The following LUC7L2 variants were observed in gnomAD, a reference collection of about 807,000 sequenced individuals.
LUC7L2 encodes the protein putative RNA-binding protein Luc7-like 2.
A neutral mutation model predicts 52.8 loss-of-function variants in LUC7L2; 25 were observed. That is an observed-to-expected ratio of 0.47 (90% CI 0.34 to 0.66). LUC7L2 has a LOEUF of 0.66. LUC7L2 is among the 30% of genes least tolerant of loss of function. LUC7L2 has a pLI of 0.01. For synonymous variants in LUC7L2, 144 were observed against 160.9 expected (o/e 0.89, Z 0.80); for missense variants, 328 against 497.8 (o/e 0.66, Z 3.25).
At chr7:139,351,526 T>C (rs1054702650) in intron 1 of LUC7L2, among the ~76,000 whole-genome samples, 2 of 152,364 alleles carry the variant, frequency 1.3e-5, no homozygotes, top group African/African-American at 2.4e-5. Context: ...AATTATGCTC[T>C]CTTCAAGTCC....
intron 1 of LUC7L2, chr7:139,345,877 A>T: frequency 1.4e-6 from 1 of 702,604 alleles, no homozygotes; most frequent in Non-Finnish European, 2.2e-6. Context: ...AATTTACTGA[A>T]CTTTTTGCAC....
intron 2 of LUC7L2, among the ~76,000 whole-genome samples, chr7:139,391,909 TGTA>T (rs1794466670): frequency 6.6e-6 from 1 of 152,256 alleles, no homozygotes; most frequent in South Asian, 2.1e-4. Context: ...TTTTTCCAAT[TGTA>T]GTAATAATCA....
chr7:139,405,074 C>G (rs1312203509), intron 4 of LUC7L2, among the ~76,000 whole-genome samples: 1 of 152,144 alleles, frequency 6.6e-6, no homozygotes, highest in Non-Finnish European at 1.5e-5. Context: ...AAAAAAGATA[C>G]AAAGGTGACA....
intron 1 of LUC7L2, chr7:139,363,241 A>T (rs1044567646): frequency 1.2e-5 from 12 of 985,302 alleles, no homozygotes; most frequent in Non-Finnish European, 1.3e-5. Flanking sequence ...ATACTGCATA[A>T]ATGGAAGCAG....
At position 139,350,888 on chromosome 7, in the gene LUC7L2, C is replaced by A. The variant is rs192690782; in HGVS notation, c.-26+10371C>A. On this transcript the variant is annotated intron_variant, in intron 1 of 10. Coordinates refer to the LUC7L2 transcript ENST00000541170. ...ATGGGGTTTCACCATGTTGGCCAGG[C>A]TGGTCTCCGACTACTGACCTCGTGA... Among the ~76,000 whole-genome samples the A allele has an allele frequency of 1.4e-3, 213 of 152,120 alleles. 1 individual carries two copies. Among genetic ancestry groups the A allele is most frequent in the African/African-American group, 4.6e-3 (189 of 41,518 alleles).
chr7:139,344,700 T>A (rs28670849), intron 1 of LUC7L2, among the ~76,000 whole-genome samples: 1 of 142,382 alleles, frequency 7.0e-6, no homozygotes, highest in Non-Finnish European at 1.5e-5. Context: ...TCTTTCTTTT[T>A]TTTTTTTTTT....
chr7:139,417,076 G>T (rs1795654983), intron 8 of LUC7L2: 1 of 153,342 alleles, frequency 6.5e-6, no homozygotes, highest in Admixed American at 6.5e-5. Context: ...TCACTCTTTT[G>T]CCCAGGCTGG....
rs1585051414 is a variant in LUC7L2 at position 139,340,745 on chromosome 7, A to G, written c.-26+228A>G. The G allele has an allele frequency of 8.0e-6, 3 of 373,584 alleles. No individual in the cohort carries two copies. In the Admixed American group the frequency reaches 1.4e-4, roughly 17 times the overall value. 23.1% of individuals were successfully genotyped at this position (373,584 alleles called of 1,614,324 possible). A position where few individuals can be genotyped will look rare whatever the true frequency, so the allele number is the denominator to read the frequency against. The stretch of plus-strand genomic sequence containing the variant: ...AAGGCATTGGCCTCCTAAGCCAGGG[A>G]TTGTGGGTTCGAGTCCCATCTGGGG... On this transcript the variant is annotated intron_variant, in intron 1 of 10. Transcript: ENST00000541170.
chr7:139,375,765 G>A (rs376526115), intron 1 of LUC7L2: 6 of 346,462 alleles, frequency 1.7e-5, no homozygotes, highest in Admixed American at 1.1e-4. Flanking sequence ...AGTTGGACTC[G>A]ATAATCTTTA....
intron 1 of LUC7L2, chr7:139,345,784 TTTTAAG>T: frequency 7.0e-7 from 1 of 1,420,422 alleles, no homozygotes; most frequent in Non-Finnish European, 9.3e-7. Context: ...ATTAAATTTT[TTTTAAG>T]TTTAAGGTTT....
intron 1 of LUC7L2, among the ~76,000 whole-genome samples, chr7:139,344,115 A>G (rs1016259898): frequency 4.6e-5 from 7 of 152,066 alleles, no homozygotes; most frequent in African/African-American, 1.7e-4. Flanking sequence ...GTGAATCTCA[A>G]AAGTTAAGTA....
At chr7:139,419,112 AAAACAAAAAAAAAC>A (rs1175668286) in intron 9 of LUC7L2, among the ~76,000 whole-genome samples, 2 of 133,572 alleles carry the variant, frequency 1.5e-5, no homozygotes, top group East Asian at 2.0e-4. Flanking sequence ...TCCAGCTCTC[AAAACAAAAAAAAAC>A]AAACAAAAAA....
At chr7:139,354,356 G>A (rs1015653466) in intron 1 of LUC7L2, among the ~76,000 whole-genome samples, 3 of 152,046 alleles carry the variant, frequency 2.0e-5, no homozygotes, top group African/African-American at 7.2e-5. Flanking sequence ...TGGCATGATG[G>A]CATTTGTCAA....
chr7:139,394,942 C>T (rs1005473180), intron 2 of LUC7L2, among the ~76,000 whole-genome samples: 1 of 152,128 alleles, frequency 6.6e-6, no homozygotes, highest in African/African-American at 2.4e-5. Context: ...ACCTGGGGGG[C>T]TTTTACAATT....
chr7:139,397,973 G>T (rs1198642182), intron 2 of LUC7L2, among the ~76,000 whole-genome samples: 1 of 152,132 alleles, frequency 6.6e-6, no homozygotes, highest in African/African-American at 2.4e-5. Flanking sequence ...CCCCAGACAA[G>T]ACTATATCAA....
At chr7:139,398,417 G>T (rs563500572) in intron 2 of LUC7L2, among the ~76,000 whole-genome samples, 182 bp from the exon 3 acceptor site, 2 of 152,082 alleles carry the variant, frequency 1.3e-5, no homozygotes, top group South Asian at 4.1e-4. Flanking sequence ...GACAAAATTG[G>T]TGCCATTTTT....
In LUC7L2 at chr7:139,412,578, A is replaced by AAGGT; in HGVS notation, c.809+3_809+6dup. 6.2e-7 allele frequency: 1 copy of AAGGT among 1,606,204 alleles called. No individual in the cohort carries two copies. The highest frequency in any genetic ancestry group is 8.5e-7 in the Non-Finnish European group (1 of 1,177,538). ...CCCGATCACACAGCAAGAATCCAAA[A>AAGGT]AGGTAGGTGTATTACATAAGACAGG... On this transcript the variant is annotated frameshift_variant and splice_region_variant, in exon 8 of 10. Transcript: ENST00000354926. LOFTEE classifies it high-confidence loss of function.
At chr7:139,392,494 C>A (rs4732370) in intron 2 of LUC7L2, 110,534 of 362,090 alleles carry the variant, frequency 0.31, 23,358 homozygotes, top group African/African-American at 0.77. Flanking sequence ...TTATTTGGTC[C>A]ACATTTCATG....
At chr7:139,354,270 C>T (rs1799543521) in intron 1 of LUC7L2, among the ~76,000 whole-genome samples, 1 of 152,122 alleles carries the variant, frequency 6.6e-6, no homozygotes, top group African/African-American at 2.4e-5. Context: ...GCTAATAAAA[C>T]TAGTGGTGAA....
Sources: allele counts gnomAD v4.1 joint callset (sites outside exome capture counted in the v4.1 genomes callset), GRCh38; gene constraint gnomAD v4.1.1; transcripts MANE v1.5; gene names NCBI Gene and HGNC (gene_info 2026-07-23, HGNC 2026-07-21).